Variants in SSTR1 observed in about 807,000 individuals in gnomAD.
SSTR1 encodes the protein somatostatin receptor 1, also known as somatostatin receptor type 1.
A neutral mutation model predicts 20.7 loss-of-function variants in SSTR1; 10 were observed. The ratio of observed to expected loss-of-function variants is 0.48; its 90% CI spans 0.30 to 0.82. The LOEUF is 0.82. Ranked by LOEUF, SSTR1 falls within the 40% of genes least tolerant of loss-of-function variation. The pLI is 0.07. For synonymous variants in SSTR1, 267 were observed against 227.8 expected, an observed-to-expected ratio of 1.17 and a Z score of -1.55; for missense variants, 494 against 540.0, an observed-to-expected ratio of 0.91 and a Z score of 0.84.
chr14:38,207,926 A>G lies in SSTR1; in HGVS notation c.-690A>G, dbSNP rs1335579605. On this transcript the variant is annotated 5_prime_UTR_variant, in exon 1 of 3. Transcript: ENST00000267377. ...GCCAGCTCACAAATCAAGCCTCAGA[A>G]AGAGCTGACATCCTAGCTCTTCCCG... 1 of 152,194 alleles carries G rather than the reference A, an allele frequency of 6.6e-6. No individual in the cohort carries two copies. The highest frequency in any genetic ancestry group is 1.5e-5 in the Non-Finnish European group (1 of 68,044). The allele number at this position is 152,194 out of a possible 1,614,324, so 9.4% of individuals were successfully genotyped here.
Position 38,211,746 on chromosome 14 carries a change from T to C in SSTR1, c.*1181T>C, listed in dbSNP as rs1883334907. Reference sequence around the variant, plus strand: ...TGCAGGCTCCCGAGTGGGGCCTGCCTGGTCTCTAGAGGGTTGCTGCCTTTC... The same window carrying C: ...TGCAGGCTCCCGAGTGGGGCCTGCCCGGTCTCTAGAGGGTTGCTGCCTTTC... On this transcript the variant is annotated 3_prime_UTR_variant, in exon 3 of 3. Coordinates refer to ENST00000267377, the MANE Select transcript of SSTR1 (RefSeq NM_001049.3). The C allele has an allele frequency of 6.0e-6, 1 of 167,166 alleles. No homozygotes were observed. Among genetic ancestry groups the C allele is most frequent in the South Asian group, 2.1e-4 (1 of 4,836 alleles). The allele number at this position is 167,166 out of a possible 1,614,324, so 10.4% of individuals were successfully genotyped here.
rs909851339 is a variant in SSTR1 at position 38,211,168 on chromosome 14, C to T, written c.*603C>T. ...AGATCTAAGCAGCTGGTCTTTTCTC[C>T]TACTCTTGGGTGAAGGTGCATCTTT... On this transcript the variant is annotated 3_prime_UTR_variant, in exon 3 of 3. Coordinates refer to ENST00000267377, the MANE Select transcript of SSTR1 (RefSeq NM_001049.3). 3 of 167,330 alleles carry T rather than the reference C, an allele frequency of 1.8e-5. No homozygotes were observed. Among genetic ancestry groups the T allele is most frequent in the Non-Finnish European group, 4.4e-5 (3 of 68,430 alleles). 10.4% of individuals were successfully genotyped at this position (167,330 alleles called of 1,614,324 possible). A position where few individuals can be genotyped will look rare whatever the true frequency, so the allele number is the denominator to read the frequency against.
Position 38,209,407 on chromosome 14 carries a change from C to G in SSTR1, c.18C>G (p.Thr6=). The G allele has an allele frequency of 6.6e-7, 1 of 1,512,560 alleles. No individual in the cohort carries two copies. Among genetic ancestry groups the G allele is most frequent in the Non-Finnish European group, 8.8e-7 (1 of 1,132,956 alleles). 93.7% of individuals were successfully genotyped at this position (1,512,560 alleles called of 1,614,324 possible). A position where few individuals can be genotyped will look rare whatever the true frequency, so the allele number is the denominator to read the frequency against. The change falls in exon 3 of 3, where the codon ACC becomes ACG. Residue 6 remains threonine (T), a synonymous_variant. Transcript: ENST00000267377. ...CAGCTGGGATGTTCCCCAATGGCAC[C>G]GCCTCCTCTCCTTCCTCCTCTCCTA... is the stretch of plus-strand genomic sequence containing the variant. MFPNG[T]ASSPSSSPSP...
Position 38,211,480 on chromosome 14 carries a change from G to A in SSTR1, c.*915G>A, listed in dbSNP as rs1883328365. On this transcript the variant is annotated 3_prime_UTR_variant, in exon 3 of 3. Transcript: ENST00000267377. ...GGGCGCTCCCGGGCCGCGCGTCTGC[G>A]TTAGGCAGGGCAGGGTAGTGCAGGG... The A allele has an allele frequency of 6.0e-6, 1 of 167,248 alleles. No homozygotes were observed. Among genetic ancestry groups the A allele is most frequent in the Admixed American group, 6.5e-5 (1 of 15,298 alleles). 10.4% of individuals were successfully genotyped at this position (167,248 alleles called of 1,614,324 possible).
chr14:38,209,719 C>T lies in SSTR1; in HGVS notation c.330C>T (p.Ser110=), dbSNP rs781277793. Residue 110 remains serine, a synonymous_variant, in exon 3 of 3, where the codon AGC becomes AGT. Coordinates refer to ENST00000267377, the MANE Select transcript of SSTR1 (RefSeq NM_001049.3). Reference sequence around the variant, plus strand: ...TTGCTGATGAGCTGCTCATGCTCAGCGTGCCCTTCCTAGTCACCTCCACGT... The same window carrying T: ...TTGCTGATGAGCTGCTCATGCTCAGTGTGCCCTTCCTAGTCACCTCCACGT... The part of the protein sequence containing the change: ...LAIADELLML[S]VPFLVTSTLL... 5 of 1,614,056 alleles carry T rather than the reference C, an allele frequency of 3.1e-6. No individual in the cohort carries two copies. Among genetic ancestry groups the T allele is most frequent in the Middle Eastern group, 3.3e-4 (2 of 6,062 alleles).
At position 38,209,825 on chromosome 14, in the gene SSTR1, TACTGTCTG is replaced by T; in HGVS notation, c.442_449del (p.Leu148AlafsTer99). On this transcript the variant is annotated frameshift_variant, in exon 3 of 3. Coordinates refer to ENST00000267377, the MANE Select transcript of SSTR1 (RefSeq NM_001049.3). LOFTEE classifies it high-confidence loss of function. ...CGCGGTCAACATGTTCACCAGCATCTACTGTCTGACTGTGCTCAGCGTGGACCGCTACG... is the reference window on the plus strand; with the variant it reads ...CGCGGTCAACATGTTCACCAGCATCTACTGTGCTCAGCGTGGACCGCTACG... 6.2e-7 allele frequency: 1 copy of T among 1,613,862 alleles called. No individual in the cohort carries two copies. The highest frequency in any genetic ancestry group is 1.3e-5 in the African/African-American group (1 of 75,036).
chr14:38,210,643 G>A lies in SSTR1; in HGVS notation c.*78G>A. ...AAAGAGGGGGAGAATGAGAAGGGAA[G>A]GCCGGGTGCGAAAGGGACGGTATCC... On this transcript the variant is annotated 3_prime_UTR_variant, in exon 3 of 3. Coordinates refer to ENST00000267377, the MANE Select transcript of SSTR1 (RefSeq NM_001049.3). 5 of 1,395,288 alleles carry A rather than the reference G, an allele frequency of 3.6e-6. No individual in the cohort carries two copies. The highest frequency in any genetic ancestry group is 4.7e-6 in the Non-Finnish European group (5 of 1,063,458). The allele number at this position is 1,395,288 out of a possible 1,614,324, so 86.4% of individuals were successfully genotyped here.
chr14:38,209,680 C>T lies in SSTR1; in HGVS notation c.291C>T (p.Ile97=). The T allele has an allele frequency of 6.2e-7, 1 of 1,614,080 alleles. No individual in the cohort carries two copies. Among genetic ancestry groups the T allele is most frequent in the South Asian group, 1.1e-5 (1 of 91,086 alleles). Residue 97 remains isoleucine, a synonymous_variant, in exon 3 of 3, where the codon ATC becomes ATT. Transcript: ENST00000267377. ...TGAAGACGGCCACCAACATCTACATCCTAAATCTGGCCATTGCTGATGAGC... is the reference window on the plus strand; with the variant it reads ...TGAAGACGGCCACCAACATCTACATTCTAAATCTGGCCATTGCTGATGAGC... The part of the protein sequence containing the change: ...AKMKTATNIY[I]LNLAIADELL...
rs1453499739 is a variant in SSTR1 at position 38,211,170 on chromosome 14, A to T, written c.*605A>T. The T allele has an allele frequency of 6.0e-6, 1 of 166,566 alleles. No homozygotes were observed. The highest frequency in any genetic ancestry group is 1.5e-5 in the Non-Finnish European group (1 of 68,224). The allele number at this position is 166,566 out of a possible 1,614,324, so 10.3% of individuals were successfully genotyped here. A position where few individuals can be genotyped will look rare whatever the true frequency, so the allele number is the denominator to read the frequency against. ...ATCTAAGCAGCTGGTCTTTTCTCCTACTCTTGGGTGAAGGTGCATCTTTCC... is the reference window on the plus strand; with the variant it reads ...ATCTAAGCAGCTGGTCTTTTCTCCTTCTCTTGGGTGAAGGTGCATCTTTCC... On this transcript the variant is annotated 3_prime_UTR_variant, in exon 3 of 3. Transcript: ENST00000267377.
chr14:38,209,175 G>T lies in SSTR1; in HGVS notation c.-215G>T. ...CGGTCGCCTGTGCCCGGGCACCCCG[G>T]AGCTGCAAACTGCAGAGCCCAGGCA... On this transcript the variant is annotated 5_prime_UTR_variant, in exon 3 of 3. Coordinates refer to ENST00000267377, the MANE Select transcript of SSTR1 (RefSeq NM_001049.3). The T allele has an allele frequency of 2.1e-6, 1 of 477,714 alleles. No individual in the cohort carries two copies. The highest frequency in any genetic ancestry group is 3.4e-6 in the Non-Finnish European group (1 of 291,196). The allele number at this position is 477,714 out of a possible 1,614,324, so 29.6% of individuals were successfully genotyped here. A position where few individuals can be genotyped will look rare whatever the true frequency, so the allele number is the denominator to read the frequency against.
rs779482199 is a variant in SSTR1, at chr14:38,209,566, C to A, written c.177C>A (p.Ile59=). Residue 59 remains isoleucine, a synonymous_variant, in exon 3 of 3, where the codon ATC becomes ATA. Coordinates refer to ENST00000267377, the MANE Select transcript of SSTR1 (RefSeq NM_001049.3). The stretch of plus-strand genomic sequence containing the variant: ...TGAGCGAGGGCCAGGGCAGCGCCAT[C>A]CTGATCTCTTTCATCTACTCCGTGG... The part of the protein sequence containing the change: ...GTLSEGQGSA[I]LISFIYSVVC... 18 of 1,611,556 alleles carry A rather than the reference C, an allele frequency of 1.1e-5. No individual in the cohort carries two copies. The highest frequency in any genetic ancestry group is 1.4e-5 in the Non-Finnish European group (17 of 1,178,538).
chr14:38,209,452 C>A lies in SSTR1; in HGVS notation c.63C>A (p.Cys21Ter). ...SSSPSPSPGS[C>*]GEGGGSRGPG... ...CTCCTAGCCCCAGCCCGGGCAGCTGCGGCGAAGGCGGCGGCAGCAGGGGCC... is the reference window on the plus strand; with the variant it reads ...CTCCTAGCCCCAGCCCGGGCAGCTGAGGCGAAGGCGGCGGCAGCAGGGGCC... The change falls in exon 3 of 3, where the codon TGC becomes TGA. Residue 21 changes from cysteine to a stop codon, truncating the protein, a stop_gained. Coordinates refer to ENST00000267377, the MANE Select transcript of SSTR1 (RefSeq NM_001049.3). LOFTEE classifies it high-confidence loss of function. The A allele has an allele frequency of 6.4e-7, 1 of 1,552,324 alleles. No homozygotes were observed.
intron 1 of SSTR1, 34 bp downstream of exon 1, chr14:38,208,138 T>A (rs1324096153): frequency 6.6e-6 from 1 of 152,246 alleles, no homozygotes; most frequent in Admixed American, 6.5e-5. Flanking sequence ...GGTGGAGCCC[T>A]TCCAAGCGGC....
Position 38,209,274 on chromosome 14 carries a change from C to T in SSTR1, c.-116C>T, listed in dbSNP as rs1883273901. ...GCAGCGGTTGCGCTCTACCCGGAGG[C>T]GCTGGGCGGCTGTGGGCTGCAGGCA... On this transcript the variant is annotated 5_prime_UTR_variant, in exon 3 of 3. Coordinates refer to ENST00000267377, the MANE Select transcript of SSTR1 (RefSeq NM_001049.3). 4 of 1,273,118 alleles carry T rather than the reference C, an allele frequency of 3.1e-6. No individual in the cohort carries two copies. Among genetic ancestry groups the T allele is most frequent in the Non-Finnish European group, 4.1e-6 (4 of 986,018 alleles). The allele number at this position is 1,273,118 out of a possible 1,614,324, so 78.9% of individuals were successfully genotyped here. A position where few individuals can be genotyped will look rare whatever the true frequency, so the allele number is the denominator to read the frequency against.
In SSTR1 at chr14:38,209,175, G is replaced by A; in HGVS notation, c.-215G>A. On this transcript the variant is annotated 5_prime_UTR_variant, in exon 3 of 3. Transcript: ENST00000267377. ...CGGTCGCCTGTGCCCGGGCACCCCG[G>A]AGCTGCAAACTGCAGAGCCCAGGCA... 1 of 477,714 alleles carries A rather than the reference G, an allele frequency of 2.1e-6. No homozygotes were observed. The allele number at this position is 477,714 out of a possible 1,614,324, so 29.6% of individuals were successfully genotyped here.
chr14:38,211,729 C>A lies in SSTR1; in HGVS notation c.*1164C>A, dbSNP rs567940966. The A allele has an allele frequency of 6.0e-6, 1 of 167,144 alleles. No homozygotes were observed. Among genetic ancestry groups the A allele is most frequent in the Non-Finnish European group, 1.5e-5 (1 of 68,148 alleles). The allele number at this position is 167,144 out of a possible 1,614,324, so 10.4% of individuals were successfully genotyped here. A position where few individuals can be genotyped will look rare whatever the true frequency, so the allele number is the denominator to read the frequency against. On this transcript the variant is annotated 3_prime_UTR_variant, in exon 3 of 3. Transcript: ENST00000267377. ...GCGGTGTCGCCGCAACCTGCAGGCTCCCGAGTGGGGCCTGCCTGGTCTCTA... is the reference window on the plus strand; with the variant it reads ...GCGGTGTCGCCGCAACCTGCAGGCTACCGAGTGGGGCCTGCCTGGTCTCTA...
In SSTR1 at chr14:38,209,365, G is replaced by A; in HGVS notation, c.-25G>A. On this transcript the variant is annotated 5_prime_UTR_variant, in exon 3 of 3. Coordinates refer to ENST00000267377, the MANE Select transcript of SSTR1 (RefSeq NM_001049.3). ...CGAGGAGAAAGCCCCAGCCCTGGCA[G>A]CCCCACTGGCCCCCCTCAGCTGGGA... 1 of 1,460,386 alleles carries A rather than the reference G, an allele frequency of 6.8e-7. No homozygotes were observed. The highest frequency in any genetic ancestry group is 9.0e-7 in the Non-Finnish European group (1 of 1,107,326). The allele number at this position is 1,460,386 out of a possible 1,614,324, so 90.5% of individuals were successfully genotyped here. A position where few individuals can be genotyped will look rare whatever the true frequency, so the allele number is the denominator to read the frequency against.
Position 38,210,122 on chromosome 14 carries a change from C to T in SSTR1, c.733C>T (p.Leu245Phe). ...GGGGGCTATCTGCCTGTGCTACGTGCTCATCATTGCTAAGATGCGCATGGT... is the reference window on the plus strand; with the variant it reads ...GGGGGCTATCTGCCTGTGCTACGTGTTCATCATTGCTAAGATGCGCATGGT... ...PVGAICLCYV[L>F]IIAKMRMVAL... Residue 245 changes from leucine (L) to phenylalanine (F), a missense_variant, in exon 3 of 3, where the codon CTC (leucine) becomes TTC (phenylalanine). By Grantham distance (22) the Leu-to-Phe change is conservative (BLOSUM62 0). Around this residue, in one of 3 missense-constraint regions of SSTR1, gnomAD observed 280 missense variants for 286.1 expected, o/e 0.98. Coordinates refer to ENST00000267377, the MANE Select transcript of SSTR1 (RefSeq NM_001049.3). 1.2e-6 allele frequency: 2 copies of T among 1,614,262 alleles called. No individual in the cohort carries two copies. Among genetic ancestry groups the T allele is most frequent in the Non-Finnish European group, 1.7e-6 (2 of 1,180,050 alleles).
In SSTR1 at chr14:38,209,770, G is replaced by C; in HGVS notation, c.381G>C (p.Ala127=). 1 of 1,613,936 alleles carries C rather than the reference G, an allele frequency of 6.2e-7. No homozygotes were observed. The highest frequency in any genetic ancestry group is 1.1e-5 in the South Asian group (1 of 91,078). ...STLLRHWPFG[A]LLCRLVLSVD... ...TGTTGCGCCACTGGCCCTTCGGTGC[G>C]CTGCTCTGCCGCCTCGTGCTCAGCG... The change falls in exon 3 of 3, where the codon GCG becomes GCC. Residue 127 remains alanine (A), a synonymous_variant. Coordinates refer to ENST00000267377, the MANE Select transcript of SSTR1 (RefSeq NM_001049.3).
Sources: gnomAD v4.1 joint callset for allele counts on GRCh38, gnomAD v4.1.1 for gene constraint, gnomAD v4.1.1 regional missense constraint, MANE v1.5 for transcripts, NCBI Gene and HGNC (gene_info 2026-07-23, HGNC 2026-07-21) for gene names.